Variants in KLF13 observed in about 807,000 individuals in gnomAD.
KLF13 encodes KLF transcription factor 13.
KLF13 carries 8 observed loss-of-function variants against 16.7 expected under a neutral mutation model. The ratio of observed to expected loss-of-function variants is 0.48; its 90% confidence interval spans 0.28 to 0.87. The LOEUF (loss-of-function observed/expected upper bound fraction) is 0.87, where lower values mean the gene tolerates loss of function less well. Among genes scored for constraint, KLF13 ranks in the 40% least tolerant of loss-of-function variants. KLF13 has a pLI of 0.10. For missense variants in KLF13, 447 were observed against 452.2 expected, an observed-to-expected ratio of 0.99 and a Z score of 0.10; for synonymous variants, 245 against 208.4, an observed-to-expected ratio of 1.18 and a Z score of -1.51.
chr15:31,351,437 T>G (rs1281758161), intron 1 of KLF13, among the ~76,000 whole-genome samples: 1 of 150,744 alleles, frequency 6.6e-6, no homozygotes, highest in Non-Finnish European at 1.5e-5. Context: ...GTTAGGCTCA[T>G]AACCCCAAGG....
intron 2 of KLF13, chr15:31,393,767 C>G (rs2039910728): frequency 6.6e-6 from 1 of 152,308 alleles, no homozygotes; most frequent in Non-Finnish European, 1.5e-5. Context: ...AGTGCTGGAC[C>G]TGTATCCATC....
chr15:31,405,964 T>C (rs993025694), downstream of KLF13, among the ~76,000 whole-genome samples: 2 of 152,102 alleles, frequency 1.3e-5, no homozygotes, highest in African/African-American at 4.8e-5. Context: ...TTTGAGGAGA[T>C]GTTGCATCCA....
At chr15:31,415,940 A>G (rs1020682837) in intron 1 of KLF13, among the ~76,000 whole-genome samples, 13 of 151,894 alleles carry the variant, frequency 8.6e-5, no homozygotes, top group African/African-American at 3.1e-4. Context: ...TTGAACAAGA[A>G]AAAAAAAGAG....
In KLF13 at chr15:31,377,089, G is replaced by A. The variant is rs1442203435; in HGVS notation, c.*4790G>A. The A allele has an allele frequency of 6.6e-6, 1 of 152,246 alleles. No homozygotes were observed. Among genetic ancestry groups the A allele is most frequent in the Non-Finnish European group, 1.5e-5 (1 of 68,118 alleles). The allele number at this position is 152,246 out of a possible 1,614,324, so 9.4% of individuals were successfully genotyped here. A position where few individuals can be genotyped will look rare whatever the true frequency, so the allele number is the denominator to read the frequency against. On this transcript the variant is annotated 3_prime_UTR_variant, in exon 2 of 2. Coordinates refer to ENST00000307145, the MANE Select transcript of KLF13 (RefSeq NM_015995.4). ...CTAGAGGGCCCGTGGACAGGTCGCA[G>A]TGCGTGCTTATTTGGAAACCAGGTG... is the stretch of plus-strand genomic sequence containing the variant.
chr15:31,423,917 G>A (rs2040373112), intron 1 of KLF13, among the ~76,000 whole-genome samples: 1 of 152,240 alleles, frequency 6.6e-6, no homozygotes, highest in Middle Eastern at 3.4e-3. Context: ...ACAACTAATA[G>A]ATCAATGAAG....
chr15:31,369,093 T>C (rs1036936634), intron 1 of KLF13, among the ~76,000 whole-genome samples: 1 of 152,256 alleles, frequency 6.6e-6, no homozygotes, highest in African/African-American at 2.4e-5. Context: ...CAACTCTTCC[T>C]AAATTGATGG....
intron 2 of KLF13, among the ~76,000 whole-genome samples, chr15:31,396,949 T>C (rs2039959081): frequency 6.6e-6 from 1 of 152,004 alleles, no homozygotes; most frequent in Non-Finnish European, 1.5e-5. Flanking sequence ...CAAGGACAGC[T>C]TGGAGGTTAG....
chr15:31,327,867 CGATGGGGCGCGA>C, intron 1 of KLF13, 78 bp downstream of exon 1: 2 of 1,211,422 alleles, frequency 1.7e-6, no homozygotes, highest in Non-Finnish European at 2.1e-6. Context: ...CCGGAGTCCC[CGATGGGGCGCGA>C]GGTGGGGGCC....
intron 1 of KLF13, among the ~76,000 whole-genome samples, chr15:31,360,793 A>C (rs2039371262): frequency 6.6e-6 from 1 of 152,146 alleles, no homozygotes; most frequent in Non-Finnish European, 1.5e-5. Flanking sequence ...TTTAATTCGG[A>C]TGTATTTACT....
chr15:31,360,199 G>A (rs1455268563), intron 1 of KLF13, among the ~76,000 whole-genome samples: 1 of 152,222 alleles, frequency 6.6e-6, no homozygotes, highest in Non-Finnish European at 1.5e-5. Context: ...CCTGTTCTAG[G>A]TTAGGACAGG....
Position 31,432,713 on chromosome 15 carries a change from G to C in KLF13, n.118-2657G>C, listed in dbSNP as rs189860577. 5.1e-4 allele frequency among the ~76,000 whole-genome samples: 77 copies of C among 152,168 alleles called. 1 individual carries two copies. The highest frequency in any genetic ancestry group is 1.7e-3 in the African/African-American group (71 of 41,510). Reference sequence around the variant, plus strand: ...GATCCTCTTGCCTTAACTTCCCAAAGTGCTGGCATTACAGGCATGAGCCAC... The same window carrying C: ...GATCCTCTTGCCTTAACTTCCCAAACTGCTGGCATTACAGGCATGAGCCAC... On this transcript the variant is annotated intron_variant and non_coding_transcript_variant, in intron 1 of 1. Coordinates refer to the KLF13 transcript ENST00000558225.
At chr15:31,359,969 G>A (rs1038389586) in intron 1 of KLF13, among the ~76,000 whole-genome samples, 1 of 152,166 alleles carries the variant, frequency 6.6e-6, no homozygotes, top group Non-Finnish European at 1.5e-5. Flanking sequence ...CACAGAACAG[G>A]GTTCCTGCCC....
At chr15:31,404,336 A>G (rs1273938767) in exon 3 of KLF13, 1 of 152,286 alleles carries the variant, frequency 6.6e-6, no homozygotes, top group Admixed American at 6.5e-5. Context: ...TGGTGAAGTC[A>G]GCTGGACTTC....
chr15:31,428,820 A>AAAG (rs1555383803), intron 1 of KLF13, among the ~76,000 whole-genome samples: 1 of 72,650 alleles, frequency 1.4e-5, no homozygotes, highest in Non-Finnish European at 2.3e-5. Context: ...AAAAAAAAAA[A>AAAG]AAAAAGAAAA....
At chr15:31,423,139 G>GTATA (rs1491468052) in intron 1 of KLF13, among the ~76,000 whole-genome samples, 547 of 15,130 alleles carry the variant, frequency 0.036, 87 homozygotes, top group Non-Finnish European at 0.046. Flanking sequence ...ATACGTATAC[G>GTATA]TATACGTATA....
chr15:31,366,586 T>C (rs2039475146), intron 1 of KLF13: 1 of 152,468 alleles, frequency 6.6e-6, no homozygotes, highest in Non-Finnish European at 1.5e-5. Flanking sequence ...GCTGTCTGTG[T>C]ACCCCATGCC....
intron 1 of KLF13, among the ~76,000 whole-genome samples, chr15:31,358,295 C>G (rs1035487652): frequency 6.6e-6 from 1 of 152,176 alleles, no homozygotes; most frequent in African/African-American, 2.4e-5. Context: ...AGTACAGTTG[C>G]GATTGTCTGC....
At chr15:31,434,108 G>A (rs1380473352) in intron 1 of KLF13, among the ~76,000 whole-genome samples, 3 of 152,170 alleles carry the variant, frequency 2.0e-5, no homozygotes, top group African/African-American at 7.2e-5. Context: ...GCCACTGGTG[G>A]TACAATGCTG....
intron 1 of KLF13, 72 bp from the exon 2 acceptor site, chr15:31,371,938 G>A (rs1404218263): frequency 4.7e-6 from 7 of 1,484,840 alleles, no homozygotes; most frequent in African/African-American, 2.8e-5. Flanking sequence ...TGGGTGTTGC[G>A]GGCCCTTCCC....
Sources: gnomAD v4.1 joint callset for allele counts (sites outside exome capture counted in the v4.1 genomes callset) on GRCh38, gnomAD v4.1.1 for gene constraint, MANE v1.5 for transcripts, NCBI Gene and HGNC (gene_info 2026-07-23, HGNC 2026-07-21) for gene names.